The following PIP5K1A variants were observed in gnomAD, a reference collection of about 807,000 sequenced individuals.
The protein encoded by PIP5K1A is phosphatidylinositol-4-phosphate 5-kinase type 1 alpha, also known as phosphatidylinositol 4-phosphate 5-kinase type-1 alpha.
In PIP5K1A, 46 loss-of-function variants were observed where a neutral mutation model predicts 72.9. The observed-to-expected ratio is 0.63, with a 90% CI of 0.50 to 0.81. PIP5K1A has a LOEUF of 0.81. Among genes scored for constraint, PIP5K1A ranks in the 30% least tolerant of loss-of-function variants. The pLI is 0.00. For synonymous variants in PIP5K1A, 228 were observed against 255.1 expected, an observed-to-expected ratio of 0.89 and a Z score of 1.01; for missense variants, 458 against 706.1, an observed-to-expected ratio of 0.65 and a Z score of 3.98.
intron 1 of PIP5K1A, among the ~76,000 whole-genome samples, chr1:151,205,077 G>C (rs1206028241): frequency 6.6e-6 from 1 of 152,150 alleles, no homozygotes; most frequent in East Asian, 1.9e-4. Context: ...AGCCTGTGAA[G>C]TGAACAACAG....
chr1:151,228,819 CA>C (rs929234825), intron 4 of PIP5K1A, among the ~76,000 whole-genome samples: 1 of 152,084 alleles, frequency 6.6e-6, no homozygotes, highest in Non-Finnish European at 1.5e-5. Context: ...CATTCTCAGT[CA>C]AGGACCTGAC....
chr1:151,217,316 G>A (rs890112610), intron 1 of PIP5K1A, among the ~76,000 whole-genome samples: 1 of 152,078 alleles, frequency 6.6e-6, no homozygotes, highest in African/African-American at 2.4e-5. Context: ...CAGGTGTTCT[G>A]ATTTCAGAAC....
intron 14 of PIP5K1A, among the ~76,000 whole-genome samples, chr1:151,243,311 G>T (rs587695578): frequency 6.6e-6 from 1 of 152,238 alleles, no homozygotes; most frequent in East Asian, 1.9e-4. Flanking sequence ...AATTAGGTCC[G>T]GTTGGATGAG....
chr1:151,241,390 G>A (rs587630244), intron 12 of PIP5K1A, among the ~76,000 whole-genome samples: 10 of 151,152 alleles, frequency 6.6e-5, no homozygotes, highest in Admixed American at 6.6e-4. Context: ...TGTAGTCCCA[G>A]CTACTTGGGA....
upstream of PIP5K1A, among the ~76,000 whole-genome samples, chr1:151,196,754 T>G (rs962713016): frequency 5.9e-5 from 9 of 151,754 alleles, no homozygotes; most frequent in Non-Finnish European, 1.0e-4. Context: ...AGAGACGGCG[T>G]TTCTCCATGT....
intron 10 of PIP5K1A, chr1:151,238,564 C>T (rs1052298697): frequency 2.9e-6 from 1 of 349,534 alleles, no homozygotes; most frequent in Non-Finnish European, 5.4e-6. Flanking sequence ...TTTGCAAAAA[C>T]CTATGAGATG....
At chr1:151,238,668 C>A in intron 10 of PIP5K1A, 1 of 248,146 alleles carries the variant, frequency 4.0e-6, no homozygotes, top group Non-Finnish European at 7.8e-6. Context: ...ATGTATTAGA[C>A]TGTGGAACTA....
At chr1:151,236,536 C>G in intron 8 of PIP5K1A, 22 bp from the exon 9 acceptor site, 1 of 1,501,894 alleles carries the variant, frequency 6.7e-7, no homozygotes, top group South Asian at 1.1e-5. Context: ...AGGCTCAGAT[C>G]ATGTTTTTTT....
At chr1:151,246,172 G>A (rs764555731) in intron 14 of PIP5K1A, among the ~76,000 whole-genome samples, 1 of 152,174 alleles carries the variant, frequency 6.6e-6, no homozygotes, top group African/African-American at 2.4e-5. Context: ...GCTTGAACCC[G>A]GGAGGCAGAG....
chr1:151,198,164 A>C (rs1684720484), upstream of PIP5K1A: 3 of 463,428 alleles, frequency 6.5e-6, no homozygotes, highest in Non-Finnish European at 1.3e-5. Context: ...AAGAGTAGTA[A>C]AACAGGAAAA....
chr1:151,205,898 A>G (rs1417586687), intron 1 of PIP5K1A, among the ~76,000 whole-genome samples: 1 of 151,620 alleles, frequency 6.6e-6, no homozygotes, highest in Non-Finnish European at 1.5e-5. Flanking sequence ...TCAAGAATAT[A>G]CTCTTTCCTG....
At position 151,246,964 on chromosome 1, in the gene PIP5K1A, A is replaced by G. The variant is rs760279547; in HGVS notation, c.1685A>G (p.His562Arg). Reference protein sequence around the residue: ...KLEVAESEFTH With the variant: ...KLEVAESEFTR The stretch of plus-strand genomic sequence containing the variant: ...GAAGTTGCAGAGTCAGAGTTCACCC[A>G]TGTGAGTATCTGGGATGTGTGGGAG... Residue 562 changes from histidine to arginine, a missense_variant and splice_region_variant, in exon 15 of 16, where the codon CAT becomes CGT. Transcript: ENST00000368888. 5 of 1,612,696 alleles carry G rather than the reference A, an allele frequency of 3.1e-6. No homozygotes were observed. The highest frequency in any genetic ancestry group is 2.2e-5 in the East Asian group (1 of 44,864).
chr1:151,239,874 C>T, intron 11 of PIP5K1A, 81 bp from the exon 12 acceptor site: 1 of 953,906 alleles, frequency 1.0e-6, no homozygotes. Context: ...GCTAGGGGCT[C>T]AGTCTGGGGG....
At chr1:151,225,582 G>T (rs1162740068) in intron 3 of PIP5K1A, among the ~76,000 whole-genome samples, 1 of 150,980 alleles carries the variant, frequency 6.6e-6, no homozygotes, top group Non-Finnish European at 1.5e-5. Context: ...CAGTTCTCCT[G>T]CCTCAGCCTC....
chr1:151,231,136 G>C (rs1689994928), intron 4 of PIP5K1A, among the ~76,000 whole-genome samples: 1 of 150,738 alleles, frequency 6.6e-6, no homozygotes, highest in African/African-American at 2.4e-5. Context: ...GAACCGGGGA[G>C]GCAAAGTTTG....
intron 14 of PIP5K1A, among the ~76,000 whole-genome samples, chr1:151,244,224 T>G (rs988362252): frequency 2.0e-5 from 3 of 151,852 alleles, no homozygotes; most frequent in Admixed American, 6.6e-5. Flanking sequence ...GTTGCTGATA[T>G]GTACTGTACA....
At chr1:151,224,463 A>G in intron 3 of PIP5K1A, 57 bp downstream of exon 3, 6 of 1,204,652 alleles carry the variant, frequency 5.0e-6, no homozygotes, top group Non-Finnish European at 7.3e-6. Flanking sequence ...AATATTAACA[A>G]TATCTCACAT....
At chr1:151,223,326 G>A (rs1157280205) in intron 1 of PIP5K1A, among the ~76,000 whole-genome samples, 3 of 146,996 alleles carry the variant, frequency 2.0e-5, no homozygotes, top group Admixed American at 1.4e-4. Flanking sequence ...CTCCAGCCTC[G>A]GTGACCAGCA....
rs1691190525 is a variant in PIP5K1A at position 151,238,426 on chromosome 1, A to G, written c.1229+161A>G. On this transcript the variant is annotated intron_variant, in intron 10 of 15. Coordinates refer to ENST00000368888, the MANE Select transcript of PIP5K1A (RefSeq NM_001135638.2). The stretch of plus-strand genomic sequence containing the variant: ...AGTTTTCAGATGGTTTATTTCCTTG[A>G]TTTTGCCTCTTTCCCCGGCCTTTAT... 1.2e-5 allele frequency: 7 copies of G among 602,948 alleles called. No individual in the cohort carries two copies. The East Asian group carries it at 2.0e-4, about 17-fold the overall frequency. 37.3% of individuals were successfully genotyped at this position (602,948 alleles called of 1,614,324 possible). A position where few individuals can be genotyped will look rare whatever the true frequency, so the allele number is the denominator to read the frequency against.
Sources: allele counts gnomAD v4.1 joint callset (sites outside exome capture counted in the v4.1 genomes callset), GRCh38; gene constraint gnomAD v4.1.1; transcripts MANE v1.5; gene names NCBI Gene and HGNC (gene_info 2026-07-23, HGNC 2026-07-21).